Variants in ZNRF3 observed in about 807,000 individuals in gnomAD.
ZNRF3 encodes the protein E3 ubiquitin-protein ligase ZNRF3.
A neutral mutation model predicts 72.5 loss-of-function variants in ZNRF3; 23 were observed. The observed-to-expected ratio is 0.32, with a 90% CI of 0.23 to 0.45. The LOEUF (loss-of-function observed/expected upper bound fraction) is 0.45. Among genes scored for constraint, ZNRF3 ranks in the 20% least tolerant of loss-of-function variants. The pLI, the probability that ZNRF3 is intolerant of heterozygous loss-of-function variation, is 1.00. For missense variants in ZNRF3, 1,169 were observed against 1,272.1 expected (o/e 0.92, Z 1.23); for synonymous variants, 610 against 545.3 (o/e 1.12, Z -1.65).
chr22:28,980,993 G>C (rs1328572055), intron 1 of ZNRF3, among the ~76,000 whole-genome samples: 1 of 152,130 alleles, frequency 6.6e-6, no homozygotes, highest in African/African-American at 2.4e-5. Flanking sequence ...AATATTTTAA[G>C]AAAATAAACT....
chr22:29,026,419 A>G (rs1292574138), intron 2 of ZNRF3: 12 of 152,170 alleles, frequency 7.9e-5, no homozygotes, highest in Admixed American at 7.9e-4. Flanking sequence ...TGGTTAGCTC[A>G]GTTCAGAGTA....
intron 2 of ZNRF3, among the ~76,000 whole-genome samples, chr22:29,028,769 G>T (rs192680538): frequency 6.6e-6 from 1 of 152,332 alleles, no homozygotes; most frequent in East Asian, 1.9e-4. Context: ...AGCACTCGGT[G>T]CCTTGCCTGG....
chr22:28,941,028 G>A (rs1399478162), intron 1 of ZNRF3, among the ~76,000 whole-genome samples: 1 of 152,074 alleles, frequency 6.6e-6, no homozygotes, highest in African/African-American at 2.4e-5. Context: ...GAAGCAAAAG[G>A]GCTGTAGGAA....
intron 2 of ZNRF3, among the ~76,000 whole-genome samples, chr22:29,035,870 G>T (rs1456207501): frequency 6.6e-6 from 1 of 152,142 alleles, no homozygotes; most frequent in East Asian, 1.9e-4. Flanking sequence ...GTGAGCCACT[G>T]CGCCCGGCCT....
intron 1 of ZNRF3, among the ~76,000 whole-genome samples, chr22:28,886,315 G>C (rs182315155): frequency 2.6e-5 from 4 of 152,346 alleles, no homozygotes; most frequent in Non-Finnish European, 5.9e-5. Flanking sequence ...GGGCCGCTGA[G>C]AGGGAATATA....
intron 5 of ZNRF3, 32 bp downstream of exon 5, chr22:29,044,922 A>AC: frequency 6.7e-7 from 1 of 1,493,262 alleles, no homozygotes. Context: ...CGTGAGCAGT[A>AC]ACCCCTCTTG....
In ZNRF3 at chr22:28,971,509, C is replaced by T. The variant is rs565275580; in HGVS notation, c.301-15567C>T. Among the ~76,000 whole-genome samples, 5 of 152,274 alleles carry T rather than the reference C, an allele frequency of 3.3e-5. No individual in the cohort carries two copies. In the South Asian group the frequency reaches 8.3e-4, roughly 25 times the overall value. ...ATGAAAGTGGTTCTTTTCCATGCCTCGTACGCCCTAATTGTGGTAGAATAA... is the reference window on the plus strand; with the variant it reads ...ATGAAAGTGGTTCTTTTCCATGCCTTGTACGCCCTAATTGTGGTAGAATAA... On this transcript the variant is annotated intron_variant, in intron 1 of 8. Transcript: ENST00000544604.
chr22:28,937,208 TA>T (rs1394563986), intron 1 of ZNRF3, among the ~76,000 whole-genome samples: 145 of 4,040 alleles, frequency 0.036, no homozygotes, highest in Middle Eastern at 0.1. Context: ...TATATATATA[TA>T]TATATATTTT....
At chr22:28,910,194 A>G (rs1201674363) in intron 1 of ZNRF3, among the ~76,000 whole-genome samples, 1 of 151,738 alleles carries the variant, frequency 6.6e-6, no homozygotes, top group Non-Finnish European at 1.5e-5. Flanking sequence ...CACCACCACA[A>G]CCGGCTAATT....
intron 2 of ZNRF3, among the ~76,000 whole-genome samples, chr22:29,015,617 C>T (rs900209708): frequency 2.0e-5 from 3 of 149,234 alleles, no homozygotes. Flanking sequence ...TTCCAGTGAG[C>T]TGAGACTGCA....
At chr22:28,945,861 A>G (rs1285538248) in intron 1 of ZNRF3, among the ~76,000 whole-genome samples, 3 of 152,154 alleles carry the variant, frequency 2.0e-5, no homozygotes, top group Non-Finnish European at 2.9e-5. Flanking sequence ...ATTGTGTGGC[A>G]TACACAGAAA....
At chr22:28,974,560 A>G (rs368169218) in intron 1 of ZNRF3, among the ~76,000 whole-genome samples, 154 of 152,210 alleles carry the variant, frequency 1.0e-3, no homozygotes, top group African/African-American at 3.5e-3. Context: ...AAAAGAAAAA[A>G]TCTCCTACTA....
At position 29,046,697 on chromosome 22, in the gene ZNRF3, A is replaced by T; in HGVS notation, c.745-19A>T. 1 of 1,582,576 alleles carries T rather than the reference A, an allele frequency of 6.3e-7. No individual in the cohort carries two copies. The highest frequency in any genetic ancestry group is 8.6e-7 in the Non-Finnish European group (1 of 1,163,722). On this transcript the variant is annotated intron_variant, in intron 5 of 8. Transcript: ENST00000544604. ...TCATACGTACTGGACCCTCACACAGACTACATTCTGCCCTGCAGAATTCCA... is the reference window on the plus strand; with the variant it reads ...TCATACGTACTGGACCCTCACACAGTCTACATTCTGCCCTGCAGAATTCCA...
At chr22:28,995,637 A>C (rs2036033947) in intron 2 of ZNRF3, among the ~76,000 whole-genome samples, 1 of 152,168 alleles carries the variant, frequency 6.6e-6, no homozygotes, top group Non-Finnish European at 1.5e-5. Flanking sequence ...CCATTGTCTC[A>C]CTGAGTTCTC....
chr22:28,916,598 A>C (rs550032049), intron 1 of ZNRF3, among the ~76,000 whole-genome samples: 68 of 152,272 alleles, frequency 4.5e-4, no homozygotes, highest in Admixed American at 1.3e-3. Context: ...CACTTAGCAG[A>C]GTGAAGGTTA....
chr22:29,002,501 TGC>T (rs1375964569), intron 2 of ZNRF3, among the ~76,000 whole-genome samples: 4 of 152,246 alleles, frequency 2.6e-5, no homozygotes, highest in Admixed American at 2.0e-4. Flanking sequence ...CCACCCCTGC[TGC>T]GCTTTCGGTG....
At chr22:28,884,179 G>C (rs2033722108) in intron 1 of ZNRF3, 113 bp downstream of exon 1, 1 of 830,630 alleles carries the variant, frequency 1.2e-6, no homozygotes, top group African/African-American at 1.9e-5. Context: ...GGGAGGGGTG[G>C]CCGAGAGGCC....
chr22:28,884,011 C>A lies in ZNRF3; in HGVS notation c.245C>A (p.Thr82Lys). The A allele has an allele frequency of 7.7e-7, 1 of 1,298,456 alleles. No homozygotes were observed. Among genetic ancestry groups the A allele is most frequent in the South Asian group, 1.4e-5 (1 of 73,992 alleles). The allele number at this position is 1,298,456 out of a possible 1,614,324, so 80.4% of individuals were successfully genotyped here. The change falls in exon 1 of 9, where the codon ACG (threonine) becomes AAG (lysine). Residue 82 changes from threonine (T) to lysine (K), a missense_variant. Around this residue, in one of 2 missense-constraint regions of ZNRF3, gnomAD observed 386 missense variants for 540.7 expected, o/e 0.71. Coordinates refer to ENST00000544604, the MANE Select transcript of ZNRF3 (RefSeq NM_001206998.2). ...GDYTTYTTGL[T>K]GRFSRAGATL... The stretch of plus-strand genomic sequence containing the variant: ...TACACCACCTACACCACCGGCCTCA[C>A]GGGCCGCTTCTCGCGGGCCGGGGCC...
intron 1 of ZNRF3, among the ~76,000 whole-genome samples, chr22:28,932,671 A>G (rs2034728324): frequency 6.6e-6 from 1 of 152,206 alleles, no homozygotes; most frequent in African/African-American, 2.4e-5. Flanking sequence ...CTGGAACCCC[A>G]AAAGCCTGGG....
Sources: allele counts gnomAD v4.1 joint callset (sites outside exome capture counted in the v4.1 genomes callset), GRCh38; gene constraint gnomAD v4.1.1; regional missense constraint gnomAD v4.1.1; transcripts MANE v1.5; gene names NCBI Gene and HGNC (gene_info 2026-07-23, HGNC 2026-07-21).